Variants in PI4K2A observed in about 807,000 individuals in gnomAD.
The protein encoded by PI4K2A is phosphatidylinositol 4-kinase type 2 alpha.
Under a neutral mutation model 55.0 loss-of-function variants are expected in PI4K2A, and 20 were observed. That is an observed-to-expected ratio of 0.36 (90% CI 0.26 to 0.53). The LOEUF (loss-of-function observed/expected upper bound fraction) is 0.53, where lower values mean the gene tolerates loss of function less well. Among genes scored for constraint, PI4K2A ranks in the 20% least tolerant of loss-of-function variants. The pLI is 0.91. For synonymous variants in PI4K2A, 235 were observed against 258.5 expected (o/e 0.91, Z 0.87); for missense variants, 463 against 637.1 (o/e 0.73, Z 2.94).
chr10:97,673,797 G>A, exon 9 of PI4K2A: 1 of 1,555,544 alleles, frequency 6.4e-7, no homozygotes, highest in Non-Finnish European at 8.8e-7. Flanking sequence ...GAAGCCTGGG[G>A]AGTGGGGTGC....
chr10:97,661,192 C>T (rs935569158), intron 4 of PI4K2A, among the ~76,000 whole-genome samples: 9 of 151,922 alleles, frequency 5.9e-5, no homozygotes, highest in East Asian at 1.9e-4. Flanking sequence ...GGGGTTTCAC[C>T]GTGTTAGCCA....
chr10:97,643,126 A>G (rs2041487058), intron 1 of PI4K2A, among the ~76,000 whole-genome samples: 1 of 151,388 alleles, frequency 6.6e-6, no homozygotes, highest in Non-Finnish European at 1.5e-5. Context: ...AGCTGGGACT[A>G]CAGGCACGCA....
intron 8 of PI4K2A, among the ~76,000 whole-genome samples, chr10:97,671,157 G>C (rs1316329039): frequency 1.3e-5 from 2 of 151,660 alleles, no homozygotes; most frequent in African/African-American, 2.4e-5. Flanking sequence ...AAAAGAGAGA[G>C]AGAGAGAAGA....
chr10:97,659,393 C>T (rs1379355818), intron 4 of PI4K2A, among the ~76,000 whole-genome samples: 3 of 146,346 alleles, frequency 2.0e-5, no homozygotes, highest in African/African-American at 7.4e-5. Context: ...ATTATTAGTT[C>T]TAGTAGTTAT....
At chr10:97,651,469 C>A (rs1286453732) in intron 2 of PI4K2A, among the ~76,000 whole-genome samples, 1 of 152,176 alleles carries the variant, frequency 6.6e-6, no homozygotes, top group Non-Finnish European at 1.5e-5. Flanking sequence ...GGCTTACTCT[C>A]AGACTTCTGA....
At chr10:97,661,556 A>T (rs1038653499) in intron 4 of PI4K2A, among the ~76,000 whole-genome samples, 9 of 150,036 alleles carry the variant, frequency 6.0e-5, no homozygotes. Flanking sequence ...GGATCTCACT[A>T]TGTTGCCCAG....
rs2041484747 is a variant in PI4K2A at position 97,642,904 on chromosome 10, CCTTCCTTCCTTCCTTCCTTCCTTT to C, written c.435+1731_435+1754del. 3.1e-5 allele frequency among the ~76,000 whole-genome samples: 4 copies of C among 129,948 alleles called. No individual in the cohort carries two copies. The South Asian group carries it at 7.3e-4, about 24-fold the overall frequency. 85.3% of individuals were successfully genotyped at this position (129,948 alleles called of 152,430 possible). ...TTCTTTCTTCCTTCCTTCCTTCCTTCCTTCCTTCCTTCCTTCCTTCCTTTCTTTCCTTTCTTTCTTTCTCTTTCT... is the reference window on the plus strand; with the variant it reads ...TTCTTTCTTCCTTCCTTCCTTCCTTCCTTTCCTTTCTTTCTTTCTCTTTCT... On this transcript the variant is annotated intron_variant, in intron 1 of 8. Transcript: ENST00000370631.
chr10:97,651,074 A>G (rs2041528117), exon 2 of PI4K2A: 2 of 1,614,060 alleles, frequency 1.2e-6, no homozygotes, highest in Non-Finnish European at 1.7e-6. Flanking sequence ...AACCAGGGCT[A>G]TCTCTCAGAA....
At chr10:97,667,361 C>T (rs1018894490) in intron 8 of PI4K2A, among the ~76,000 whole-genome samples, 9 of 152,104 alleles carry the variant, frequency 5.9e-5, no homozygotes, top group African/African-American at 1.9e-4. Context: ...AGGCGCATGT[C>T]ACAACGCCCG....
intron 8 of PI4K2A, among the ~76,000 whole-genome samples, chr10:97,670,087 G>A (rs902845869): frequency 2.0e-5 from 3 of 151,762 alleles, no homozygotes; most frequent in African/African-American, 7.3e-5. Flanking sequence ...TTTTTAAGAG[G>A]TGGGGTCTCG....
intron 4 of PI4K2A, 122 bp from the exon 5 acceptor site, chr10:97,662,785 C>G (rs1420676147): frequency 1.4e-6 from 1 of 710,980 alleles, no homozygotes; most frequent in African/African-American, 1.8e-5. Context: ...AATATTTTAT[C>G]CAGCATTTGT....
At position 97,651,107 on chromosome 10, in the gene PI4K2A, A is replaced by G. The variant is rs1284064626; in HGVS notation, c.602A>G (p.Gln201Arg). The G allele has an allele frequency of 1.9e-6, 3 of 1,612,714 alleles. No individual in the cohort carries two copies. The African/African-American group carries it at 4.0e-5, about 22-fold the overall frequency. Residue 201 changes from glutamine (Q) to arginine (R), a missense_variant, in exon 2 of 9, where the codon CAA becomes CGA. Gln to Arg is a conservative substitution (Grantham distance 43). Around this residue, in one of 2 missense-constraint regions of PI4K2A, gnomAD observed 277 missense variants for 432.6 expected, o/e 0.64. Coordinates refer to ENST00000370631, the Ensembl canonical transcript of PI4K2A. The stretch of plus-strand genomic sequence containing the variant: ...GAAGCAGGGGCCAGCCTGGTGGACC[A>G]AAAACTGGAACTCAACATTGTTCCC...
chr10:97,651,234 TG>T, intron 2 of PI4K2A, 93 bp downstream of exon 2: 1 of 895,452 alleles, frequency 1.1e-6, no homozygotes, highest in Non-Finnish European at 1.8e-6. Context: ...TTGGGTCCAG[TG>T]GGGTCATTTA....
chr10:97,653,481 G>A (rs925704559), intron 2 of PI4K2A, among the ~76,000 whole-genome samples: 1 of 152,218 alleles, frequency 6.6e-6, no homozygotes, highest in African/African-American at 2.4e-5. Context: ...ATGTTAGCCT[G>A]TGATATTTTT....
Position 97,656,952 on chromosome 10 carries a change from G to A in PI4K2A, c.900G>A (p.Leu300=), listed in dbSNP as rs1345623245. The change falls in exon 4 of 9, where the codon CTG becomes CTA. Residue 300 remains leucine, a synonymous_variant. Coordinates refer to ENST00000370631, the Ensembl canonical transcript of PI4K2A. The surrounding 1 kb of genome is among the most constrained non-coding windows in gnomAD (Gnocchi z 4.5). The stretch of plus-strand genomic sequence containing the variant: ...TCCAGTTTGAGCGGTTGGTGGTGCT[G>A]GATTACATCATCCGCAACACTGGTG... The A allele has an allele frequency of 6.2e-7, 1 of 1,614,170 alleles. No individual in the cohort carries two copies. The highest frequency in any genetic ancestry group is 2.2e-5 in the East Asian group (1 of 44,876).
At position 97,656,212 on chromosome 10, in the gene PI4K2A, T is replaced by C; in HGVS notation, c.637-73T>C. 2 of 1,268,924 alleles carry C rather than the reference T, an allele frequency of 1.6e-6. No individual in the cohort carries two copies. The highest frequency in any genetic ancestry group is 1.2e-5 in the South Asian group (1 of 80,052). 78.6% of individuals were successfully genotyped at this position (1,268,924 alleles called of 1,614,324 possible). On this transcript the variant is annotated intron_variant, in intron 2 of 8. Transcript: ENST00000370631. This position sits in a 1 kb window ranked among gnomAD's most constrained non-coding sequence, Gnocchi z 4.5. ...AATAGGATTTGTGAACATCAAGCTA[T>C]TTATTCTCTGCCATAGTCTTCTGGT...
At chr10:97,672,981 T>G (rs2041644037) in intron 8 of PI4K2A, among the ~76,000 whole-genome samples, 1 of 151,466 alleles carries the variant, frequency 6.6e-6, no homozygotes, top group Admixed American at 6.6e-5. Context: ...TTTTGTGTTT[T>G]TTTTTTTTCT....
chr10:97,654,108 T>C (rs1172275695), intron 2 of PI4K2A, among the ~76,000 whole-genome samples: 3 of 152,218 alleles, frequency 2.0e-5, no homozygotes, highest in Non-Finnish European at 2.9e-5. Context: ...GAACTTCAAA[T>C]GGTAAGGCTC....
chr10:97,663,442 A>G lies in PI4K2A; in HGVS notation c.984+474A>G, dbSNP rs557882811. The stretch of plus-strand genomic sequence containing the variant: ...ATACTTCTCTATCACTGTTCAGTCT[A>G]CATGTTTTACAAAATTAGCAGAAGG... On this transcript the variant is annotated intron_variant, in intron 5 of 8. Coordinates refer to ENST00000370631, the Ensembl canonical transcript of PI4K2A. Among the ~76,000 whole-genome samples, 43 of 152,086 alleles carry G rather than the reference A, an allele frequency of 2.8e-4. No individual in the cohort carries two copies. In the South Asian group the frequency reaches 8.7e-3, roughly 31 times the overall value.
Sources: allele counts gnomAD v4.1 joint callset (sites outside exome capture counted in the v4.1 genomes callset), GRCh38; gene constraint gnomAD v4.1.1; regional missense constraint gnomAD v4.1.1; non-coding constraint Gnocchi (gnomAD v3.1); transcripts MANE v1.5; gene names NCBI Gene and HGNC (gene_info 2026-07-23, HGNC 2026-07-21).